NUP205: variants seen among roughly 807,000 people sequenced by gnomAD.
NUP205 encodes the protein nuclear pore complex protein Nup205.
NUP205 carries 76 observed loss-of-function variants against 253.8 expected under a neutral mutation model. The ratio of observed to expected loss-of-function variants is 0.30; its 90% CI spans 0.25 to 0.36. NUP205 has a LOEUF of 0.36. Ranked by LOEUF, NUP205 falls within the 10% of genes least tolerant of loss-of-function variation. The probability of loss-of-function intolerance (pLI) is 1.00; values close to 1 mark genes in which losing one functional copy is unlikely to be tolerated. For synonymous variants in NUP205, 832 were observed against 850.1 expected, an observed-to-expected ratio of 0.98 and a Z score of 0.37; for missense variants, 2,162 against 2,425.5, an observed-to-expected ratio of 0.89 and a Z score of 2.28.
At chr7:135,622,083 G>C (rs1315149952) in intron 30 of NUP205, among the ~76,000 whole-genome samples, 1 of 151,576 alleles carries the variant, frequency 6.6e-6, no homozygotes, top group African/African-American at 2.4e-5. Context: ...GATTACAGGT[G>C]TGAGCCACCA....
intron 25 of NUP205, 68 bp downstream of exon 25, chr7:135,616,794 G>A: frequency 1.1e-6 from 1 of 880,192 alleles, no homozygotes; most frequent in Non-Finnish European, 1.6e-6. Flanking sequence ...AAACTTCAAG[G>A]GATTATTATG....
intron 35 of NUP205, among the ~76,000 whole-genome samples, chr7:135,630,831 T>C (rs933659486): frequency 8.6e-5 from 13 of 151,946 alleles, no homozygotes; most frequent in Admixed American, 3.9e-4. Context: ...GAGGTTGAGG[T>C]AGGAGGATTA....
chr7:135,598,338 T>C (rs1240695127), intron 15 of NUP205, 131 bp downstream of exon 15: 2 of 821,856 alleles, frequency 2.4e-6, no homozygotes, highest in Non-Finnish European at 3.8e-6. Context: ...TTGAAATATC[T>C]ATGAAGTGGT....
rs770042438 is a variant in NUP205 at position 135,643,244 on chromosome 7, C to A, written c.5445C>A (p.Ile1815=). The A allele has an allele frequency of 6.2e-7, 1 of 1,613,984 alleles. No homozygotes were observed. Among genetic ancestry groups the A allele is most frequent in the African/African-American group, 1.3e-5 (1 of 74,928 alleles). Residue 1815 remains isoleucine (I), a synonymous_variant, in exon 39 of 43, where the codon ATC becomes ATA. Transcript: ENST00000285968. ...GGCGCCTGCCTGGTTTAGGCATTATCATCTACCTGCTGAAACAGAGTGCTA... is the reference window on the plus strand; with the variant it reads ...GGCGCCTGCCTGGTTTAGGCATTATAATCTACCTGCTGAAACAGAGTGCTA... ...PYWRLPGLGI[I]IYLLKQSAND...
rs1306321019 is a variant in NUP205, at chr7:135,557,932, G to C, written c.-13G>C. ...TCCATGCGGCAGAAGGGCTCTGTTA[G>C]TGCGCCTCTAAGATGGCGACGCCTT... On this transcript the variant is annotated 5_prime_UTR_variant, in exon 1 of 43. Transcript: ENST00000285968. 6.2e-7 allele frequency: 1 copy of C among 1,613,250 alleles called. No individual in the cohort carries two copies. Among genetic ancestry groups the C allele is most frequent in the East Asian group, 2.2e-5 (1 of 44,866 alleles).
At chr7:135,564,917 C>T (rs1354999050) in intron 1 of NUP205, among the ~76,000 whole-genome samples, 3 of 151,876 alleles carry the variant, frequency 2.0e-5, no homozygotes, top group African/African-American at 7.3e-5. Context: ...CAGGTGCACG[C>T]CACCATGCCT....
Position 135,615,988 on chromosome 7 carries a change from C to T in NUP205, c.3383C>T (p.Ser1128Phe), listed in dbSNP as rs772981823. 1.2e-6 allele frequency: 2 copies of T among 1,613,846 alleles called. No homozygotes were observed. Among genetic ancestry groups the T allele is most frequent in the South Asian group, 1.1e-5 (1 of 91,072 alleles). The change falls in exon 24 of 43, where the codon TCT becomes TTT. Residue 1128 changes from serine (S) to phenylalanine (F), a missense_variant. Coordinates refer to ENST00000285968, the MANE Select transcript of NUP205 (RefSeq NM_015135.3). ...GCCTCAATAGAGCTAAGGGTAACCT[C>T]TCTGAATCGTCAGCGGTCACATACC... ...KTASIELRVT[S>F]LNRQRSHTQR...
chr7:135,558,222 A>G, intron 1 of NUP205: 1 of 555,220 alleles, frequency 1.8e-6, no homozygotes, highest in Non-Finnish European at 3.3e-6. Flanking sequence ...CAGGTGTGTA[A>G]TCTCTCACAG....
At chr7:135,624,713 G>A (rs929440063) in intron 31 of NUP205, among the ~76,000 whole-genome samples, 1 of 151,974 alleles carries the variant, frequency 6.6e-6, no homozygotes, top group Admixed American at 6.6e-5. Context: ...TCGGATTCCT[G>A]ACAAGTGCTC....
intron 22 of NUP205, among the ~76,000 whole-genome samples, chr7:135,611,210 A>G (rs928839016): frequency 2.0e-5 from 3 of 152,060 alleles, no homozygotes; most frequent in Non-Finnish European, 4.4e-5. Context: ...GGGTTTCACC[A>G]TGTTGGCCAG....
chr7:135,629,469 A>ATCTCTCTCTCTCTCTCTCTTTC (rs1794659513), intron 34 of NUP205, among the ~76,000 whole-genome samples: 1 of 119,748 alleles, frequency 8.4e-6, no homozygotes, highest in Non-Finnish European at 1.7e-5. Context: ...GTGAGACCCT[A>ATCTCTCTCTCTCTCTCTCTTTC]TCTCTCTCTC....
intron 10 of NUP205, among the ~76,000 whole-genome samples, chr7:135,589,909 C>A (rs1584655808): frequency 6.6e-6 from 1 of 151,052 alleles, no homozygotes; most frequent in East Asian, 1.9e-4. Context: ...CAGAGTAAGA[C>A]CCTGTCTCAA....
rs1170792539 is a variant in NUP205 at position 135,610,202 on chromosome 7, T to G, written c.3195+2831T>G. Among the ~76,000 whole-genome samples, 62 of 152,236 alleles carry G rather than the reference T, an allele frequency of 4.1e-4. 1 individual carries two copies. Among genetic ancestry groups the G allele is most frequent in the Non-Finnish European group, 7.3e-5 (5 of 68,038 alleles). Reference sequence around the variant, plus strand: ...ATGTCCATACCAGCAGTTTACCAGTTTATAACATACTCTCTGTTGTCGTTG... The same window carrying G: ...ATGTCCATACCAGCAGTTTACCAGTGTATAACATACTCTCTGTTGTCGTTG... On this transcript the variant is annotated intron_variant, in intron 22 of 42. Coordinates refer to ENST00000285968, the MANE Select transcript of NUP205 (RefSeq NM_015135.3).
intron 22 of NUP205, among the ~76,000 whole-genome samples, chr7:135,610,797 G>A (rs1314949544): frequency 6.6e-6 from 1 of 152,186 alleles, no homozygotes; most frequent in East Asian, 1.9e-4. Flanking sequence ...AAAGGGAAAT[G>A]GTCCTTACTG....
Position 135,606,311 on chromosome 7 carries a change from T to C in NUP205, c.2905+85T>C, listed in dbSNP as rs1392038170. The C allele has an allele frequency of 1.1e-5, 10 of 899,656 alleles. No homozygotes were observed. In the East Asian group the frequency reaches 2.2e-4, roughly 20 times the overall value. The allele number at this position is 899,656 out of a possible 1,614,324, so 55.7% of individuals were successfully genotyped here. On this transcript the variant is annotated intron_variant, in intron 20 of 42. Coordinates refer to ENST00000285968, the MANE Select transcript of NUP205 (RefSeq NM_015135.3). ...AAAGAAAACACTTGTAATTGTTAAC[T>C]GTTTTAGTGATGGTGTAAGAGGAAT...
chr7:135,631,813 G>T (rs1416357763), intron 35 of NUP205, among the ~76,000 whole-genome samples: 3 of 149,420 alleles, frequency 2.0e-5, no homozygotes, highest in African/African-American at 7.4e-5. Context: ...GCAGTGGCGC[G>T]ATCTCGGCTC....
At chr7:135,608,061 C>CT (rs1794127107) in intron 22 of NUP205, among the ~76,000 whole-genome samples, 2 of 140,166 alleles carry the variant, frequency 1.4e-5, no homozygotes, top group Non-Finnish European at 3.0e-5. Flanking sequence ...GAGTCTCGCT[C>CT]TGTTGCCCAG....
chr7:135,596,196 A>G (rs927684083), intron 13 of NUP205, among the ~76,000 whole-genome samples: 2 of 152,128 alleles, frequency 1.3e-5, no homozygotes, highest in African/African-American at 4.8e-5. Flanking sequence ...GGCCTCCCAA[A>G]GTACTGGGAT....
At chr7:135,601,599 C>A (rs1793966368) in intron 17 of NUP205, 92 bp downstream of exon 17, 2 of 1,326,924 alleles carry the variant, frequency 1.5e-6, no homozygotes, top group Non-Finnish European at 2.1e-6. Flanking sequence ...TCTCTGAAGT[C>A]ATTTTTCACT....
Sources: allele counts gnomAD v4.1 joint callset (sites outside exome capture counted in the v4.1 genomes callset), GRCh38; gene constraint gnomAD v4.1.1; transcripts MANE v1.5; gene names NCBI Gene and HGNC (gene_info 2026-07-23, HGNC 2026-07-21).